The following STC2 variants were observed in gnomAD, a reference collection of about 807,000 sequenced individuals.
The protein encoded by STC2 is stanniocalcin 2, also known as stanniocalcin-2.
In STC2, 7 loss-of-function variants were observed where a neutral mutation model predicts 22.7. The observed-to-expected ratio is 0.31, with a 90% confidence interval of 0.18 to 0.58. The LOEUF (loss-of-function observed/expected upper bound fraction) is 0.58. STC2 is among the 20% of genes least tolerant of loss of function. The pLI, the probability that STC2 is intolerant of heterozygous loss-of-function variation, is 0.89. For missense variants in STC2, 336 were observed against 406.2 expected (o/e 0.83, Z 1.48); for synonymous variants, 158 against 163.4 (o/e 0.97, Z 0.25).
chr5:173,325,824 T>C lies in STC2; in HGVS notation c.294+44A>G. 1 of 1,612,510 alleles carries C rather than the reference T, an allele frequency of 6.2e-7. No individual in the cohort carries two copies. Among genetic ancestry groups the C allele is most frequent in the East Asian group, 2.2e-5 (1 of 44,846 alleles). ...CTTTCCAATGAACGTTTCAATCATG[T>C]ATGCTCACCCCAAACATTCTTCATG... On this transcript the variant is annotated intron_variant, in intron 2 of 3. Coordinates refer to ENST00000265087, the MANE Select transcript of STC2 (RefSeq NM_003714.3). This position sits in a 1 kb window ranked among gnomAD's most constrained non-coding sequence, Gnocchi z 4.7.
Position 173,323,881 on chromosome 5 carries a change from T to A in STC2, c.295-451A>T. ...TGGAAGGTGCCTGCATGTCCAAATCTCACACGTTTCCTTTTTCCCTTGATT... is the reference window on the plus strand; with the variant it reads ...TGGAAGGTGCCTGCATGTCCAAATCACACACGTTTCCTTTTTCCCTTGATT... On this transcript the variant is annotated intron_variant, in intron 2 of 3. Transcript: ENST00000265087. The surrounding 1 kb of genome is among the most constrained non-coding windows in gnomAD (Gnocchi z 5.4). 5.8e-6 allele frequency: 1 copy of A among 173,296 alleles called. No homozygotes were observed. Among genetic ancestry groups the A allele is most frequent in the Non-Finnish European group, 1.3e-5 (1 of 79,748 alleles). 10.7% of individuals were successfully genotyped at this position (173,296 alleles called of 1,614,324 possible). A position where few individuals can be genotyped will look rare whatever the true frequency, so the allele number is the denominator to read the frequency against.
Position 173,317,809 on chromosome 5 carries a change from C to A in STC2, c.*38G>T. 1 of 1,517,452 alleles carries A rather than the reference C, an allele frequency of 6.6e-7. No individual in the cohort carries two copies. Among genetic ancestry groups the A allele is most frequent in the Non-Finnish European group, 8.8e-7 (1 of 1,130,450 alleles). The allele number at this position is 1,517,452 out of a possible 1,614,324, so 94.0% of individuals were successfully genotyped here. On this transcript the variant is annotated 3_prime_UTR_variant, in exon 4 of 4. Transcript: ENST00000265087. ...GAATGTCCATAGATAAGAAAATGGACGGCGTGGAGGAAAGATTTCGTGGCC... is the reference window on the plus strand; with the variant it reads ...GAATGTCCATAGATAAGAAAATGGAAGGCGTGGAGGAAAGATTTCGTGGCC...
rs751115839 is a variant in STC2, at chr5:173,318,264, CAAAG to C, written c.507-19_507-16del. ...CCACGTAGGGTCTAAAGATTGAAAG[CAAAG>C]AGAGAGAGAGAGAGAGAGAGAGAGA... is the stretch of plus-strand genomic sequence containing the variant. On this transcript the variant is annotated splice_polypyrimidine_tract_variant and intron_variant, in intron 3 of 3. Transcript: ENST00000265087. The C allele has an allele frequency of 5.1e-6, 6 of 1,176,942 alleles. No homozygotes were observed. The East Asian group carries it at 9.7e-5, about 19-fold the overall frequency. 72.9% of individuals were successfully genotyped at this position (1,176,942 alleles called of 1,614,324 possible).
intron 1 of STC2, among the ~76,000 whole-genome samples, chr5:173,327,372 G>A (rs1762561601): frequency 6.6e-6 from 1 of 152,268 alleles, no homozygotes; most frequent in African/African-American, 2.4e-5. Context: ...GCTTGCCGGT[G>A]AGCCAAGAGC....
In STC2 at chr5:173,317,110, C is replaced by G. The variant is rs1252519183; in HGVS notation, c.*737G>C. 1 of 151,674 alleles carries G rather than the reference C, an allele frequency of 6.6e-6. No individual in the cohort carries two copies. Among genetic ancestry groups the G allele is most frequent in the Non-Finnish European group, 1.5e-5 (1 of 67,914 alleles). The allele number at this position is 151,674 out of a possible 1,614,324, so 9.4% of individuals were successfully genotyped here. On this transcript the variant is annotated 3_prime_UTR_variant, in exon 4 of 4. Transcript: ENST00000265087. ...TTAGATGACAGATATGTAGATATAA[C>G]TGGATAAATAAAAAAAGTGAAATCG...
chr5:173,315,349 C>T lies in STC2; in HGVS notation c.*2498G>A, dbSNP rs188542601. 5.3e-5 allele frequency: 8 copies of T among 152,220 alleles called. No homozygotes were observed. The highest frequency in any genetic ancestry group is 2.1e-4 in the South Asian group (1 of 4,822). The allele number at this position is 152,220 out of a possible 1,614,324, so 9.4% of individuals were successfully genotyped here. On this transcript the variant is annotated 3_prime_UTR_variant, in exon 4 of 4. Transcript: ENST00000265087. ...AAATACTGTTGCATGCTTCCAATAA[C>T]GTGAGGGATGGGATAGAAATGCTAT...
chr5:173,318,349 G>C, intron 3 of STC2, 100 bp from the exon 4 acceptor site: 6 of 1,220,244 alleles, frequency 4.9e-6, no homozygotes, highest in Non-Finnish European at 6.3e-6. Context: ...CAGGGGCAAT[G>C]CTGGGAAGGA....
At position 173,328,024 on chromosome 5, in the gene STC2, CG is replaced by C; in HGVS notation, c.151+18del. ...GTCCTCTCCCAGTAGCTCCCGGCTGCGGGGGCACATGCACTTACCTGTATTC... is the reference window on the plus strand; with the variant it reads ...GTCCTCTCCCAGTAGCTCCCGGCTGCGGGGCACATGCACTTACCTGTATTC... On this transcript the variant is annotated intron_variant, in intron 1 of 3. Transcript: ENST00000265087. The C allele has an allele frequency of 4.1e-6, 6 of 1,465,142 alleles. No homozygotes were observed. The highest frequency in any genetic ancestry group is 2.9e-5 in the South Asian group (2 of 67,952). The allele number at this position is 1,465,142 out of a possible 1,614,324, so 90.8% of individuals were successfully genotyped here.
Position 173,325,799 on chromosome 5 carries a change from C to T in STC2, c.294+69G>A. ...CAGCAAAGGAAGTTGGTTAACAAGG[C>T]TTTCCAATGAACGTTTCAATCATGT... On this transcript the variant is annotated intron_variant, in intron 2 of 3. Coordinates refer to ENST00000265087, the MANE Select transcript of STC2 (RefSeq NM_003714.3). This position sits in a 1 kb window ranked among gnomAD's most constrained non-coding sequence, Gnocchi z 4.7. 6.2e-7 allele frequency: 1 copy of T among 1,602,016 alleles called. No homozygotes were observed. The highest frequency in any genetic ancestry group is 8.5e-7 in the Non-Finnish European group (1 of 1,170,796).
chr5:173,318,266 AAGAGAGAGAGAGAGAGAGAG>A lies in STC2; in HGVS notation c.507-37_507-18del. Reference sequence around the variant, plus strand: ...ACGTAGGGTCTAAAGATTGAAAGCAAAGAGAGAGAGAGAGAGAGAGAGAGAGAGAGAGAGGCTGGGAATGG... The same window carrying A: ...ACGTAGGGTCTAAAGATTGAAAGCAAAGAGAGAGAGAGAGGCTGGGAATGG... On this transcript the variant is annotated intron_variant, in intron 3 of 3. Coordinates refer to ENST00000265087, the MANE Select transcript of STC2 (RefSeq NM_003714.3). 2.4e-6 allele frequency: 3 copies of A among 1,234,376 alleles called. No individual in the cohort carries two copies. In the South Asian group the frequency reaches 1.0e-4, roughly 42 times the overall value. 76.5% of individuals were successfully genotyped at this position (1,234,376 alleles called of 1,614,324 possible). A position where few individuals can be genotyped will look rare whatever the true frequency, so the allele number is the denominator to read the frequency against.
chr5:173,325,341 C>A lies in STC2; in HGVS notation c.294+527G>T, dbSNP rs1465000398. Among the ~76,000 whole-genome samples, 9 of 152,072 alleles carry A rather than the reference C, an allele frequency of 5.9e-5. No homozygotes were observed. The highest frequency in any genetic ancestry group is 1.3e-4 in the Non-Finnish European group (9 of 68,022). ...CCCTGACTATATTTATCATATAGAG[C>A]AAAAGGAAAGTGTGGAACTGAAGGA... is the stretch of plus-strand genomic sequence containing the variant. On this transcript the variant is annotated intron_variant, in intron 2 of 3. Coordinates refer to ENST00000265087, the MANE Select transcript of STC2 (RefSeq NM_003714.3). The surrounding 1 kb of genome is among the most constrained non-coding windows in gnomAD (Gnocchi z 4.7).
At position 173,317,923 on chromosome 5, in the gene STC2, C is replaced by A. The variant is rs778297660; in HGVS notation, c.833G>T (p.Gly278Val). The change falls in exon 4 of 4, where the codon GGC becomes GTC. Residue 278 changes from glycine (G) to valine (V), a missense_variant. Around this residue, in one of 3 missense-constraint regions of STC2, gnomAD observed 215 missense variants for 231.5 expected, o/e 0.93. Coordinates refer to ENST00000265087, the MANE Select transcript of STC2 (RefSeq NM_003714.3). ...TCCGGAAGGTCCCTGAGCCCCAAGG[C>A]CCCCGACTCTGCCTCGGGCATGGGC... Reference protein sequence around the residue: ...PNAHARGRVGGLGAQGPSGSS... With the variant: ...PNAHARGRVGVLGAQGPSGSS... 1 of 1,612,984 alleles carries A rather than the reference C, an allele frequency of 6.2e-7. No homozygotes were observed. The highest frequency in any genetic ancestry group is 1.3e-5 in the African/African-American group (1 of 74,918).
At position 173,317,842 on chromosome 5, in the gene STC2, T is replaced by G. The variant is rs202203608; in HGVS notation, c.*5A>C. 1 of 1,545,530 alleles carries G rather than the reference T, an allele frequency of 6.5e-7. No homozygotes were observed. The highest frequency in any genetic ancestry group is 2.3e-5 in the East Asian group (1 of 43,810). ...AGGAAAGATTTCGTGGCCAGGCCTT[T>G]CATTTCACCTCCGGATATCAGAATA... On this transcript the variant is annotated 3_prime_UTR_variant, in exon 4 of 4. Coordinates refer to ENST00000265087, the MANE Select transcript of STC2 (RefSeq NM_003714.3).
At chr5:173,324,729 C>T (rs2113138840) in intron 2 of STC2, among the ~76,000 whole-genome samples, 1 of 152,364 alleles carries the variant, frequency 6.6e-6, no homozygotes, top group East Asian at 1.9e-4. Context: ...TATGCGAGGG[C>T]TGTGGCAATC....
At position 173,317,905 on chromosome 5, in the gene STC2, G is replaced by A. The variant is rs756515690; in HGVS notation, c.851C>T (p.Pro284Leu). 1 of 1,608,322 alleles carries A rather than the reference G, an allele frequency of 6.2e-7. No individual in the cohort carries two copies. The highest frequency in any genetic ancestry group is 8.5e-7 in the Non-Finnish European group (1 of 1,176,112). The change falls in exon 4 of 4, where the codon CCT becomes CTT. Residue 284 changes from proline to leucine, a missense_variant. Around this residue, in one of 3 missense-constraint regions of STC2, gnomAD observed 215 missense variants for 231.5 expected, o/e 0.93. Coordinates refer to ENST00000265087, the MANE Select transcript of STC2 (RefSeq NM_003714.3). ...GTCTTCCCACTCGCTGCTTCCGGAA[G>A]GTCCCTGAGCCCCAAGGCCCCCGAC... is the stretch of plus-strand genomic sequence containing the variant. ...GRVGGLGAQGPSGSSEWEDEQ... is the reference protein window; with the variant it reads ...GRVGGLGAQGLSGSSEWEDEQ...
chr5:173,318,205 T>C lies in STC2; in HGVS notation c.551A>G (p.Glu184Gly). The C allele has an allele frequency of 6.6e-7, 1 of 1,524,092 alleles. No homozygotes were observed. Among genetic ancestry groups the C allele is most frequent in the Non-Finnish European group, 8.8e-7 (1 of 1,135,186 alleles). The allele number at this position is 1,524,092 out of a possible 1,614,324, so 94.4% of individuals were successfully genotyped here. A position where few individuals can be genotyped will look rare whatever the true frequency, so the allele number is the denominator to read the frequency against. Residue 184 changes from glutamate to glycine, a missense_variant, in exon 4 of 4, where the codon GAG (glutamate) becomes GGG (glycine). Physicochemically the swap from Glu to Gly is moderately conservative, Grantham distance 98. This residue lies in a region of STC2 where 215 missense variants were observed against 231.5 expected (regional missense o/e 0.93). Transcript: ENST00000265087. ...GCTGTGGGTGATGGCCTCCTTCACC[T>C]CCTCCCCACAGGTCAGCAGCAAGTT... ...LVNLLLTCGEEVKEAITHSVQ... is the reference protein window; with the variant it reads ...LVNLLLTCGEGVKEAITHSVQ...
rs150967300 is a variant in STC2 at position 173,323,077 on chromosome 5, G to A, written c.506+142C>T. On this transcript the variant is annotated intron_variant, in intron 3 of 3. Coordinates refer to ENST00000265087, the MANE Select transcript of STC2 (RefSeq NM_003714.3). This position sits in a 1 kb window ranked among gnomAD's most constrained non-coding sequence, Gnocchi z 5.4. ...GGAAAGGGGCCTTTTAGTAGAGTCAGTGTAGCTTTCTGAAGTAAATGGAAG... is the reference window on the plus strand; with the variant it reads ...GGAAAGGGGCCTTTTAGTAGAGTCAATGTAGCTTTCTGAAGTAAATGGAAG... 1,023 of 760,938 alleles carry A rather than the reference G, an allele frequency of 1.3e-3. 1 individual carries two copies. Among genetic ancestry groups the A allele is most frequent in the Admixed American group, 2.0e-3 (88 of 45,078 alleles). The allele number at this position is 760,938 out of a possible 1,614,324, so 47.1% of individuals were successfully genotyped here.
chr5:173,317,923 C>T lies in STC2; in HGVS notation c.833G>A (p.Gly278Asp), dbSNP rs778297660. The T allele has an allele frequency of 1.2e-6, 2 of 1,613,102 alleles. No individual in the cohort carries two copies. Among genetic ancestry groups the T allele is most frequent in the Non-Finnish European group, 1.7e-6 (2 of 1,179,608 alleles). ...TCCGGAAGGTCCCTGAGCCCCAAGG[C>T]CCCCGACTCTGCCTCGGGCATGGGC... Reference protein sequence around the residue: ...PNAHARGRVGGLGAQGPSGSS... With the variant: ...PNAHARGRVGDLGAQGPSGSS... The change falls in exon 4 of 4, where the codon GGC (glycine) becomes GAC (aspartate). Residue 278 changes from glycine to aspartate, a missense_variant. By Grantham distance (94) the Gly-to-Asp change is moderately conservative. This residue lies in a region of STC2 where 215 missense variants were observed against 231.5 expected (regional missense o/e 0.93). Transcript: ENST00000265087.
chr5:173,315,106 A>G lies in STC2; in HGVS notation c.*2741T>C, dbSNP rs1012372744. ...GAGAGGTGTTCAGATCATCTTGTTA[A>G]GATGCAGAGCTCAAAATAAACACTA... On this transcript the variant is annotated 3_prime_UTR_variant, in exon 4 of 4. Coordinates refer to ENST00000265087, the MANE Select transcript of STC2 (RefSeq NM_003714.3). 6.6e-6 allele frequency: 1 copy of G among 152,228 alleles called. No homozygotes were observed. Among genetic ancestry groups the G allele is most frequent in the East Asian group, 1.9e-4 (1 of 5,202 alleles). The allele number at this position is 152,228 out of a possible 1,614,324, so 9.4% of individuals were successfully genotyped here. A position where few individuals can be genotyped will look rare whatever the true frequency, so the allele number is the denominator to read the frequency against.
Sources: allele counts gnomAD v4.1 joint callset (sites outside exome capture counted in the v4.1 genomes callset), GRCh38; gene constraint gnomAD v4.1.1; regional missense constraint gnomAD v4.1.1; non-coding constraint Gnocchi (gnomAD v3.1); transcripts MANE v1.5; gene names NCBI Gene and HGNC (gene_info 2026-07-23, HGNC 2026-07-21).